WASHC5: variants seen among roughly 807,000 people sequenced by gnomAD.
WASHC5 encodes WASH complex subunit 5.
A neutral mutation model predicts 150.4 loss-of-function variants in WASHC5; 101 were observed. The ratio of observed to expected loss-of-function variants is 0.67; its 90% CI spans 0.57 to 0.79. WASHC5 has a LOEUF of 0.79. WASHC5 is among the 30% of genes least tolerant of loss of function. The pLI, the probability that WASHC5 is intolerant of heterozygous loss-of-function variation, is 0.00. For missense variants in WASHC5, 1,195 were observed against 1,396.3 expected (o/e 0.86, Z 2.30); for synonymous variants, 467 against 491.2 (o/e 0.95, Z 0.65).
chr8:125,038,684 G>C (rs1160744202), intron 25 of WASHC5, 146 bp downstream of exon 25: 8 of 927,242 alleles, frequency 8.6e-6, no homozygotes, highest in Non-Finnish European at 1.4e-5. Context: ...TGTGATGATT[G>C]CTTAGAAAGG....
At chr8:125,070,920 C>T (rs557352535) in intron 9 of WASHC5, among the ~76,000 whole-genome samples, 22 of 152,246 alleles carry the variant, frequency 1.4e-4, no homozygotes, top group African/African-American at 4.8e-4. Flanking sequence ...TGTGGACCAC[C>T]CATAGGAAGT....
intron 8 of WASHC5, among the ~76,000 whole-genome samples, chr8:125,074,563 C>T (rs1816995389): frequency 6.6e-6 from 1 of 152,066 alleles, no homozygotes; most frequent in African/African-American, 2.4e-5. Context: ...AGTCTTGTTG[C>T]TTATTTAGCA....
intron 9 of WASHC5, among the ~76,000 whole-genome samples, chr8:125,071,837 C>T (rs1816905033): frequency 6.6e-6 from 1 of 152,190 alleles, no homozygotes; most frequent in Non-Finnish European, 1.5e-5. Context: ...GCTCACTGGG[C>T]TAAAATCAAG....
intron 1 of WASHC5, among the ~76,000 whole-genome samples, chr8:125,084,940 G>A (rs572740557): frequency 6.6e-6 from 1 of 152,320 alleles, no homozygotes; most frequent in South Asian, 2.1e-4. Flanking sequence ...GTGAAGCCAG[G>A]ATCATTAAAA....
intron 23 of WASHC5, among the ~76,000 whole-genome samples, chr8:125,040,285 TCC>T (rs1815848717): frequency 6.6e-6 from 1 of 152,232 alleles, no homozygotes; most frequent in Non-Finnish European, 1.5e-5. Context: ...CTTTTATTTA[TCC>T]TAAATGGAAC....
intron 2 of WASHC5, 141 bp downstream of exon 2, chr8:125,083,571 GT>G (rs1817335976): frequency 3.0e-6 from 2 of 664,402 alleles, no homozygotes. Context: ...TTTCAAGTTA[GT>G]AGCTAATATT....
At chr8:125,086,899 G>C (rs906787614) in intron 1 of WASHC5, among the ~76,000 whole-genome samples, 1 of 152,200 alleles carries the variant, frequency 6.6e-6, no homozygotes, top group Non-Finnish European at 1.5e-5. Flanking sequence ...AAGTGCCGAC[G>C]TGTGACTTGG....
rs1586340296 is a variant in WASHC5, at chr8:125,038,889, G to C, written c.3025C>G (p.Leu1009Val). The C allele has an allele frequency of 1.2e-6, 2 of 1,614,040 alleles. No individual in the cohort carries two copies. The highest frequency in any genetic ancestry group is 1.7e-6 in the Non-Finnish European group (2 of 1,179,896). The change falls in exon 25 of 29, where the codon CTT becomes GTT. Residue 1009 changes from leucine (L) to valine (V), a missense_variant. Leu to Val is a conservative substitution (Grantham distance 32). This residue lies in a region of WASHC5 where 997 missense variants were observed against 1,168.1 expected (regional missense o/e 0.85). Transcript: ENST00000318410. ...SLPYPKEDNT[L>V]LYEITAYLEA... ...AGATAGGCTGTGATTTCATATAAAA[G>C]TGTGTTATCTTCTTTGGGGTAAGGA...
Position 125,073,138 on chromosome 8 carries a change from CCTTTT to C in WASHC5, c.1150+10_1150+14del. 1 of 1,613,738 alleles carries C rather than the reference CCTTTT, an allele frequency of 6.2e-7. No homozygotes were observed. The highest frequency in any genetic ancestry group is 8.5e-7 in the Non-Finnish European group (1 of 1,179,700). On this transcript the variant is annotated intron_variant, in intron 9 of 28. Transcript: ENST00000318410. ...ATGTGGAGTAATATAAACGGCCACC[CCTTTT>C]GTGCATTACCTGAGTCTGCTGTATG...
At chr8:125,052,442 C>T (rs948598403) in intron 17 of WASHC5, among the ~76,000 whole-genome samples, 1 of 151,792 alleles carries the variant, frequency 6.6e-6, no homozygotes, top group African/African-American at 2.4e-5. Flanking sequence ...TCATCCAGAC[C>T]TTTCTCCATT....
chr8:125,059,266 C>A lies in WASHC5; in HGVS notation c.1720G>T (p.Val574Leu). Residue 574 changes from valine (V) to leucine (L), a missense_variant, in exon 14 of 29, where the codon GTA becomes TTA. Around this residue, in one of 3 missense-constraint regions of WASHC5, gnomAD observed 997 missense variants for 1,168.1 expected, o/e 0.85. Coordinates refer to ENST00000318410, the MANE Select transcript of WASHC5 (RefSeq NM_014846.4). ...AGTTTAGTAACCATGGATGGATTTA[C>A]CCTTATGCTTTCTTGCATGATGGAT... ...FTSIMQESIRVNPSMVTKLRA... is the reference protein window; with the variant it reads ...FTSIMQESIRLNPSMVTKLRA... 1 of 1,613,996 alleles carries A rather than the reference C, an allele frequency of 6.2e-7. No individual in the cohort carries two copies. Among genetic ancestry groups the A allele is most frequent in the Non-Finnish European group, 8.5e-7 (1 of 1,179,904 alleles).
In WASHC5 at chr8:125,091,766, C is replaced by T. The variant is rs1224756358; in HGVS notation, c.-276G>A. ...GTCAGACCCCGACTTCCGCCCCTGA[C>T]TCCCCAGGCGGTCACATGACCGAAG... is the stretch of plus-strand genomic sequence containing the variant. On this transcript the variant is annotated 5_prime_UTR_variant, in exon 1 of 29. Transcript: ENST00000318410. The T allele has an allele frequency of 2.0e-5, 3 of 152,428 alleles. No individual in the cohort carries two copies. In the East Asian group the frequency reaches 5.8e-4, roughly 29 times the overall value. The allele number at this position is 152,428 out of a possible 1,614,324, so 9.4% of individuals were successfully genotyped here.
At position 125,073,447 on chromosome 8, in the gene WASHC5, C is replaced by T. The variant is rs916643628; in HGVS notation, c.979-123G>A. ...TATAGGATGAATGACATATGGATTA[C>T]AGTTATAGGGCTCGAAGATAACATT... is the stretch of plus-strand genomic sequence containing the variant. On this transcript the variant is annotated intron_variant, in intron 8 of 28. Coordinates refer to ENST00000318410, the MANE Select transcript of WASHC5 (RefSeq NM_014846.4). 7.2e-6 allele frequency: 6 copies of T among 836,734 alleles called. No homozygotes were observed. In the East Asian group the frequency reaches 1.1e-4, roughly 15 times the overall value. The allele number at this position is 836,734 out of a possible 1,614,324, so 51.8% of individuals were successfully genotyped here.
At chr8:125,075,238 T>C (rs1241491611) in intron 7 of WASHC5, 127 bp from the exon 8 acceptor site, 1 of 701,844 alleles carries the variant, frequency 1.4e-6, no homozygotes, top group African/African-American at 1.8e-5. Context: ...AAACCAAGAT[T>C]TTCCAAATAT....
In WASHC5 at chr8:125,061,906, C is replaced by T. The variant is rs1022206179; in HGVS notation, c.1409-712G>A. On this transcript the variant is annotated intron_variant, in intron 11 of 28. Coordinates refer to ENST00000318410, the MANE Select transcript of WASHC5 (RefSeq NM_014846.4). The stretch of plus-strand genomic sequence containing the variant: ...CTGATGCTCAGAGAGACTGAGAATG[C>T]TATACAGGGTGACACGGTGACTAAA... 8.5e-5 allele frequency among the ~76,000 whole-genome samples: 13 copies of T among 152,122 alleles called. 1 individual carries two copies. Among genetic ancestry groups the T allele is most frequent in the Non-Finnish European group, 5.9e-5 (4 of 68,026 alleles).
At chr8:125,063,785 G>T in intron 10 of WASHC5, 134 bp from the exon 11 acceptor site, 1 of 777,690 alleles carries the variant, frequency 1.3e-6, no homozygotes, top group Non-Finnish European at 2.1e-6. Flanking sequence ...TGACCCTGAT[G>T]TCATCTCCTC....
chr8:125,039,774 GT>G lies in WASHC5; in HGVS notation c.2954+20del, dbSNP rs1406076954. 6.5e-7 allele frequency: 1 copy of G among 1,542,974 alleles called. No individual in the cohort carries two copies. The highest frequency in any genetic ancestry group is 9.0e-7 in the Non-Finnish European group (1 of 1,115,370). On this transcript the variant is annotated intron_variant, in intron 24 of 28. Transcript: ENST00000318410. ...AAACAATCCAAGCCCACGGATGGCT[GT>G]TTCAAACCCTGGCACTTACTTATTG... is the stretch of plus-strand genomic sequence containing the variant.
At chr8:125,036,017 G>A (rs1815692104) in intron 26 of WASHC5, among the ~76,000 whole-genome samples, 1 of 152,124 alleles carries the variant, frequency 6.6e-6, no homozygotes, top group Admixed American at 6.5e-5. Context: ...ATATTCTGAC[G>A]AATGACAAAA....
chr8:125,032,056 GTGACTAAGGA>G (rs1244943159), intron 27 of WASHC5, among the ~76,000 whole-genome samples, 175 bp downstream of exon 27: 4 of 152,194 alleles, frequency 2.6e-5, no homozygotes, highest in African/African-American at 9.6e-5. Flanking sequence ...CCCTGGCAGG[GTGACTAAGGA>G]TGGACACACC....
Sources: gnomAD v4.1 joint callset for allele counts (sites outside exome capture counted in the v4.1 genomes callset) on GRCh38, gnomAD v4.1.1 for gene constraint, gnomAD v4.1.1 regional missense constraint, MANE v1.5 for transcripts, NCBI Gene and HGNC (gene_info 2026-07-23, HGNC 2026-07-21) for gene names.